The following SLC39A14 variants were observed in gnomAD, a reference collection of about 807,000 sequenced individuals.
SLC39A14 encodes the protein solute carrier family 39 member 14.
A neutral mutation model predicts 45.5 loss-of-function variants in SLC39A14; 19 were observed. The observed-to-expected ratio is 0.42, with a 90% CI of 0.29 to 0.61. SLC39A14 has a LOEUF of 0.61. Among genes scored for constraint, SLC39A14 ranks in the 20% least tolerant of loss-of-function variants. The pLI, the probability that SLC39A14 is intolerant of heterozygous loss-of-function variation, is 0.22. For missense variants in SLC39A14, 447 were observed against 616.5 expected, an observed-to-expected ratio of 0.73 and a Z score of 2.91; for synonymous variants, 264 against 251.3, an observed-to-expected ratio of 1.05 and a Z score of -0.48.
At chr8:22,377,657 A>G (rs1269502510) in intron 1 of SLC39A14, among the ~76,000 whole-genome samples, 2 of 151,900 alleles carry the variant, frequency 1.3e-5, no homozygotes, top group African/African-American at 4.8e-5. Flanking sequence ...CCTCTCAGTC[A>G]TTTTCTTAGT....
chr8:22,402,788 G>T (rs988979905), intron 1 of SLC39A14, among the ~76,000 whole-genome samples: 1 of 88,898 alleles, frequency 1.1e-5, no homozygotes, highest in South Asian at 5.1e-4. Context: ...AAAAAAAAAT[G>T]TTGCTATTTT....
In SLC39A14 at chr8:22,421,480, A is replaced by G. The variant is rs1836224787; in HGVS notation, c.*1782A>G. ...TGATGGAGATTCTAGATTAAATATC[A>G]GGACTGATTTCCTGGTGGGATTATG... On this transcript the variant is annotated 3_prime_UTR_variant, in exon 9 of 9. Transcript: ENST00000381237. 3 of 974,248 alleles carry G rather than the reference A, an allele frequency of 3.1e-6. No homozygotes were observed. The highest frequency in any genetic ancestry group is 1.8e-5 in the African/African-American group (1 of 56,126). The allele number at this position is 974,248 out of a possible 1,614,324, so 60.4% of individuals were successfully genotyped here. A position where few individuals can be genotyped will look rare whatever the true frequency, so the allele number is the denominator to read the frequency against.
downstream of SLC39A14, among the ~76,000 whole-genome samples, chr8:22,427,067 C>A (rs1236376240): frequency 6.6e-6 from 1 of 151,652 alleles, no homozygotes; most frequent in African/African-American, 2.4e-5. Flanking sequence ...CCAAGACAGG[C>A]GGATCACCTG....
intron 1 of SLC39A14, among the ~76,000 whole-genome samples, chr8:22,371,013 T>G (rs562700480): frequency 3.0e-4 from 45 of 152,210 alleles, no homozygotes; most frequent in African/African-American, 9.4e-4. Flanking sequence ...CCCACTATCT[T>G]GTTCCCCCCT....
At chr8:22,381,060 G>A (rs905817440) in intron 1 of SLC39A14, among the ~76,000 whole-genome samples, 4 of 151,402 alleles carry the variant, frequency 2.6e-5, no homozygotes, top group East Asian at 3.9e-4. Context: ...CACAACTTCC[G>A]TCTCCTGGGT....
intron 1 of SLC39A14, chr8:22,390,499 T>A (rs1216215993): frequency 6.6e-6 from 1 of 151,074 alleles, no homozygotes; most frequent in East Asian, 1.9e-4. Context: ...AGAGATGGGG[T>A]TTTTCCATGT....
At chr8:22,372,371 A>C (rs914340714) in intron 1 of SLC39A14, among the ~76,000 whole-genome samples, 1 of 152,146 alleles carries the variant, frequency 6.6e-6, no homozygotes, top group African/African-American at 2.4e-5. Flanking sequence ...TCACCTAGCA[A>C]CTATATTAAG....
Position 22,414,779 on chromosome 8 carries a change from G to T in SLC39A14, c.628-1G>T. ...CTCATTTTCTTTTCCTGGGTCCACA[G>T]GCATTTGGTTTCAACCCTCTGGAAG... On this transcript the variant is annotated splice_acceptor_variant, in intron 4 of 8. Coordinates refer to ENST00000381237, the MANE Select transcript of SLC39A14 (RefSeq NM_001128431.4). LOFTEE classifies it high-confidence loss of function. 6.2e-7 allele frequency: 1 copy of T among 1,602,722 alleles called. No homozygotes were observed. Among genetic ancestry groups the T allele is most frequent in the South Asian group, 1.1e-5 (1 of 88,172 alleles).
intron 1 of SLC39A14, among the ~76,000 whole-genome samples, chr8:22,394,956 G>A (rs1441578292): frequency 6.6e-6 from 1 of 151,556 alleles, no homozygotes; most frequent in African/African-American, 2.4e-5. Context: ...GAAGAAGGCA[G>A]TTTGAATTTT....
chr8:22,392,069 C>G (rs981070604), intron 1 of SLC39A14, among the ~76,000 whole-genome samples: 1 of 152,172 alleles, frequency 6.6e-6, no homozygotes, highest in South Asian at 2.1e-4. Context: ...GAATACAAAT[C>G]TAGCTGGGGA....
chr8:22,428,336 A>G (rs180872851), intron 8 of SLC39A14, among the ~76,000 whole-genome samples: 32 of 152,164 alleles, frequency 2.1e-4, no homozygotes, highest in Admixed American at 4.6e-4. Flanking sequence ...AGAGATCTCA[A>G]TATCATCTTT....
At chr8:22,406,104 G>A (rs12674913) in intron 2 of SLC39A14, among the ~76,000 whole-genome samples, 1 of 152,034 alleles carries the variant, frequency 6.6e-6, no homozygotes, top group South Asian at 2.1e-4. Flanking sequence ...AGGCTCGAGC[G>A]TGGGGTGTCC....
At chr8:22,423,597 A>G (rs1253855013), downstream of SLC39A14, among the ~76,000 whole-genome samples, 5 of 152,050 alleles carry the variant, frequency 3.3e-5, no homozygotes, top group East Asian at 9.7e-4. Flanking sequence ...GGCCTCCCAA[A>G]GTGCTGGGAT....
chr8:22,404,248 A>C (rs536501226), intron 1 of SLC39A14, among the ~76,000 whole-genome samples: 86 of 151,954 alleles, frequency 5.7e-4, no homozygotes, highest in Middle Eastern at 3.2e-3. Flanking sequence ...ACATGATGAA[A>C]CCCGATCTCT....
rs895596342 is a variant in SLC39A14 at position 22,415,769 on chromosome 8, C to T, written c.751C>T (p.His251Tyr). 9 of 1,608,342 alleles carry T rather than the reference C, an allele frequency of 5.6e-6. No homozygotes were observed. The highest frequency in any genetic ancestry group is 1.1e-5 in the South Asian group (1 of 90,064). Reference protein sequence around the residue: ...LKILLKQKNEHHHGHSHYASE... With the variant: ...LKILLKQKNEYHHGHSHYASE... ...TGATCCCTCCCTGTCACCCTTCCAG[C>T]ATCATCATGGACACAGCCATTATGC... Residue 251 changes from histidine to tyrosine, a missense_variant and splice_region_variant, in exon 6 of 9, where the codon CAT becomes TAT. Coordinates refer to ENST00000381237, the MANE Select transcript of SLC39A14 (RefSeq NM_001128431.4).
intron 1 of SLC39A14, chr8:22,393,196 G>A (rs535801696): frequency 4.6e-4 from 453 of 985,612 alleles, no homozygotes; most frequent in Non-Finnish European, 5.3e-4. Context: ...AAGGTCCTGG[G>A]AGCAGGAGCT....
Position 22,374,221 on chromosome 8 carries a change from C to T in SLC39A14, c.-16+6813C>T, listed in dbSNP as rs1453081116. Among the ~76,000 whole-genome samples the T allele has an allele frequency of 1.3e-4, 20 of 152,156 alleles. 1 individual carries two copies. The highest frequency in any genetic ancestry group is 1.8e-4 in the Non-Finnish European group (12 of 68,038). On this transcript the variant is annotated intron_variant, in intron 1 of 8. Coordinates refer to ENST00000381237, the MANE Select transcript of SLC39A14 (RefSeq NM_001128431.4). ...GGGAGGTTGGCCACCTGGCGAGGGGCCTGTTGGCTGCAGGGAGGGACTGGA... is the reference window on the plus strand; with the variant it reads ...GGGAGGTTGGCCACCTGGCGAGGGGTCTGTTGGCTGCAGGGAGGGACTGGA...
intron 8 of SLC39A14, among the ~76,000 whole-genome samples, chr8:22,429,784 A>T (rs1271075495): frequency 6.6e-6 from 1 of 152,210 alleles, no homozygotes; most frequent in East Asian, 1.9e-4. Flanking sequence ...GCAGTGAAAG[A>T]TCCTTCCCTT....
Position 22,398,657 on chromosome 8 carries a change from A to G in SLC39A14, c.-15-6039A>G, listed in dbSNP as rs573538115. 4 of 934,556 alleles carry G rather than the reference A, an allele frequency of 4.3e-6. No individual in the cohort carries two copies. The Admixed American group carries it at 1.8e-4, about 43-fold the overall frequency. The allele number at this position is 934,556 out of a possible 1,614,324, so 57.9% of individuals were successfully genotyped here. Reference sequence around the variant, plus strand: ...GCCCAACCTCTAGACCCAGCGTCACAGAAGTGAATGTTTGCTCCTCTCTGA... The same window carrying G: ...GCCCAACCTCTAGACCCAGCGTCACGGAAGTGAATGTTTGCTCCTCTCTGA... On this transcript the variant is annotated intron_variant, in intron 1 of 8. Transcript: ENST00000381237.
Sources: allele counts gnomAD v4.1 joint callset (sites outside exome capture counted in the v4.1 genomes callset), GRCh38; gene constraint gnomAD v4.1.1; transcripts MANE v1.5; gene names NCBI Gene and HGNC (gene_info 2026-07-23, HGNC 2026-07-21).